The following LAD1 variants were observed in gnomAD, a reference collection of about 807,000 sequenced individuals.
LAD1 encodes the protein ladinin-1.
Under a neutral mutation model 54.2 loss-of-function variants are expected in LAD1, and 53 were observed. The observed-to-expected ratio is 0.98, with a 90% CI of 0.78 to 1.23. The LOEUF is 1.23. Among genes scored for constraint, LAD1 ranks in the 50% most tolerant of loss-of-function variants. The probability of loss-of-function intolerance (pLI) is 0.00; values close to 1 mark genes in which losing one functional copy is unlikely to be tolerated. For synonymous variants in LAD1, 231 were observed against 257.7 expected (o/e 0.90, Z 0.99); for missense variants, 637 against 653.3 (o/e 0.98, Z 0.27).
intron 1 of LAD1, among the ~76,000 whole-genome samples, chr1:201,395,785 A>G (rs886857652): frequency 6.6e-6 from 1 of 152,140 alleles, no homozygotes; most frequent in Non-Finnish European, 1.5e-5. Flanking sequence ...ACTGAGGCTC[A>G]AAAGAGTTAA....
intron 1 of LAD1, among the ~76,000 whole-genome samples, chr1:201,392,891 G>C (rs72737639): frequency 9.8e-5 from 15 of 152,316 alleles, no homozygotes; most frequent in Non-Finnish European, 2.1e-4. Context: ...ATGGTGGCTT[G>C]AACTGGGGTG....
At chr1:201,399,204 G>C (rs937381248) in intron 1 of LAD1, 65 bp downstream of exon 1, 276 of 1,327,682 alleles carry the variant, frequency 2.1e-4, no homozygotes, top group Non-Finnish European at 2.7e-4. Flanking sequence ...CCGGTGCCCC[G>C]AGGAGAGGAG....
Position 201,386,670 on chromosome 1 carries a change from ACTT to A in LAD1, c.688_690del (p.Lys230del). The stretch of plus-strand genomic sequence containing the variant: ...GAGACACTGGTTTTTTCTAGAACAG[ACTT>A]CTTCTCTGAGCTGTTTCTTTTCTCT... On this transcript the variant is annotated inframe_deletion, in exon 3 of 10. Transcript: ENST00000391967. The A allele has an allele frequency of 2.5e-6, 4 of 1,613,714 alleles. No individual in the cohort carries two copies. The highest frequency in any genetic ancestry group is 2.2e-5 in the East Asian group (1 of 44,868).
chr1:201,397,550 C>G (rs1268981972), intron 1 of LAD1, among the ~76,000 whole-genome samples: 1 of 151,920 alleles, frequency 6.6e-6, no homozygotes, highest in Non-Finnish European at 1.5e-5. Flanking sequence ...GCTGCCTCCC[C>G]ACACACACAC....
intron 1 of LAD1, among the ~76,000 whole-genome samples, chr1:201,394,711 G>A (rs1046876564): frequency 1.3e-5 from 2 of 152,138 alleles, no homozygotes; most frequent in African/African-American, 2.4e-5. Flanking sequence ...TACACGTGAG[G>A]CCACACCTCC....
Position 201,387,009 on chromosome 1 carries a change from C to T in LAD1, c.352G>A (p.Gly118Arg). 1.9e-6 allele frequency: 3 copies of T among 1,609,756 alleles called. No homozygotes were observed. Among genetic ancestry groups the T allele is most frequent in the Non-Finnish European group, 2.5e-6 (3 of 1,178,222 alleles). ...PIQERLEAEEGRNSLSPVQAT... is the reference protein window; with the variant it reads ...PIQERLEAEERRNSLSPVQAT... ...TGCACAGGGCTCAAGCTGTTCCTCC[C>T]CTCCTCTGCCTCCAGCCTCTCCTGG... Residue 118 changes from glycine to arginine, a missense_variant, in exon 3 of 10, where the codon GGG becomes AGG. Gly to Arg is a moderately radical substitution (Grantham distance 125). Transcript: ENST00000391967.
At chr1:201,390,370 CAAA>C (rs34155846) in intron 1 of LAD1, among the ~76,000 whole-genome samples, 1 of 112,222 alleles carries the variant, frequency 8.9e-6, no homozygotes, top group Non-Finnish European at 1.9e-5. Context: ...ACTAAAAATA[CAAA>C]AAAAAAAAAA....
chr1:201,382,741 TAA>T lies in LAD1; in HGVS notation c.1387-4_1387-3del. ...AACCCCTGAGAGCCTCAAGTTCTCC[TAA>T]AAAGAGAACTTTCCATCTCAGGGTT... On this transcript the variant is annotated splice_region_variant and splice_polypyrimidine_tract_variant and intron_variant, in intron 7 of 9. Coordinates refer to ENST00000391967, the MANE Select transcript of LAD1 (RefSeq NM_005558.4). 6.3e-7 allele frequency: 1 copy of T among 1,592,960 alleles called. No homozygotes were observed. Among genetic ancestry groups the T allele is most frequent in the Non-Finnish European group, 8.6e-7 (1 of 1,168,954 alleles).
At position 201,386,677 on chromosome 1, in the gene LAD1, C is replaced by A. The variant is rs1194750469; in HGVS notation, c.684G>T (p.Glu228Asp). 6.2e-7 allele frequency: 1 copy of A among 1,614,246 alleles called. No homozygotes were observed. The highest frequency in any genetic ancestry group is 8.5e-7 in the Non-Finnish European group (1 of 1,180,036). ...IAVSEKRNSS[E>D]KKSVLEKTSV... ...TGGTTTTTTCTAGAACAGACTTCTT[C>A]TCTGAGCTGTTTCTTTTCTCTGACA... is the stretch of plus-strand genomic sequence containing the variant. Residue 228 changes from glutamate to aspartate, a missense_variant, in exon 3 of 10, where the codon GAG becomes GAT. Transcript: ENST00000391967.
chr1:201,398,647 C>T (rs1281081206), intron 1 of LAD1, among the ~76,000 whole-genome samples: 1 of 152,198 alleles, frequency 6.6e-6, no homozygotes, highest in Non-Finnish European at 1.5e-5. Flanking sequence ...TCATCCCCGA[C>T]CCTTTAGGAG....
chr1:201,392,367 G>A (rs577304768), intron 1 of LAD1, among the ~76,000 whole-genome samples: 1 of 152,366 alleles, frequency 6.6e-6, no homozygotes, highest in Admixed American at 6.5e-5. Context: ...GCATGGGGGA[G>A]TCAGACCATG....
chr1:201,383,402 A>AG lies in LAD1; in HGVS notation c.1176-14dup. ...CTTCATGCTGGCACTGCAGGATGGA[A>AG]GATGGAACAGGCGAGCCAAGTGAGA... On this transcript the variant is annotated splice_polypyrimidine_tract_variant and intron_variant, in intron 5 of 9. Transcript: ENST00000391967. 6.2e-7 allele frequency: 1 copy of AG among 1,613,886 alleles called. No homozygotes were observed. The highest frequency in any genetic ancestry group is 8.5e-7 in the Non-Finnish European group (1 of 1,179,866).
At chr1:201,386,277 C>T in intron 3 of LAD1, 58 bp downstream of exon 3, 2 of 1,395,518 alleles carry the variant, frequency 1.4e-6, no homozygotes, top group South Asian at 1.9e-5. Flanking sequence ...GTGGGACTGG[C>T]CGGCAGTGCC....
Position 201,386,579 on chromosome 1 carries a change from G to A in LAD1, c.782C>T (p.Ser261Phe), listed in dbSNP as rs1229830501. 6.2e-7 allele frequency: 1 copy of A among 1,614,096 alleles called. No homozygotes were observed. Among genetic ancestry groups the A allele is most frequent in the Non-Finnish European group, 8.5e-7 (1 of 1,180,008 alleles). ...SGRRLVSEKA[S>F]IFEKALASEK... ...TGAGGCCAGTGCCTTCTCAAAGATG[G>A]AAGCTTTCTCAGACACCAGCCTCCT... The change falls in exon 3 of 10, where the codon TCC becomes TTC. Residue 261 changes from serine (S) to phenylalanine (F), a missense_variant. Ser to Phe is a radical substitution (Grantham distance 155). Coordinates refer to ENST00000391967, the MANE Select transcript of LAD1 (RefSeq NM_005558.4).
At chr1:201,392,867 C>T (rs1472728243) in intron 1 of LAD1, among the ~76,000 whole-genome samples, 7 of 151,126 alleles carry the variant, frequency 4.6e-5, no homozygotes, top group Non-Finnish European at 2.9e-5. Flanking sequence ...ATCCCATAGG[C>T]GAGAGCTAGA....
At chr1:201,389,375 G>A in intron 1 of LAD1, 72 bp from the exon 2 acceptor site, 1 of 1,539,536 alleles carries the variant, frequency 6.5e-7, no homozygotes, top group African/African-American at 1.4e-5. Context: ...CTCCTCTAGG[G>A]CTGGGAGAAG....
chr1:201,380,886 G>T lies in LAD1; in HGVS notation c.*1002C>A, dbSNP rs921875407. 1 of 152,064 alleles carries T rather than the reference G, an allele frequency of 6.6e-6. No individual in the cohort carries two copies. Among genetic ancestry groups the T allele is most frequent in the Non-Finnish European group, 1.5e-5 (1 of 68,030 alleles). 9.4% of individuals were successfully genotyped at this position (152,064 alleles called of 1,614,324 possible). On this transcript the variant is annotated 3_prime_UTR_variant, in exon 10 of 10. Transcript: ENST00000391967. ...AAGTTGTAAACCACAGCTTTAAGGG[G>T]TTAACAGGGCACCAGGCTGATGTTC...
At chr1:201,382,365 C>G in intron 8 of LAD1, 39 bp from the exon 9 acceptor site, 3 of 1,521,990 alleles carry the variant, frequency 2.0e-6, no homozygotes, top group Non-Finnish European at 2.7e-6. Flanking sequence ...GAGACTAAGA[C>G]CAGGCTCCAA....
rs10920187 is a variant in LAD1 at position 201,381,538 on chromosome 1, G to T, written c.*350C>A. 20,407 of 364,052 alleles carry T rather than the reference G, an allele frequency of 0.056. 732 individuals carry two copies. The highest frequency in any genetic ancestry group is 0.087 in the Middle Eastern group (99 of 1,144). The allele number at this position is 364,052 out of a possible 1,614,324, so 22.6% of individuals were successfully genotyped here. On this transcript the variant is annotated 3_prime_UTR_variant, in exon 10 of 10. Transcript: ENST00000391967. ...GGTGACTCTGGAGTTCTTGAGGGGCGCCGTGCCCTGACTGTGGATGTGAGC... is the reference window on the plus strand; with the variant it reads ...GGTGACTCTGGAGTTCTTGAGGGGCTCCGTGCCCTGACTGTGGATGTGAGC...
Sources: allele counts gnomAD v4.1 joint callset (sites outside exome capture counted in the v4.1 genomes callset), GRCh38; gene constraint gnomAD v4.1.1; transcripts MANE v1.5; gene names NCBI Gene and HGNC (gene_info 2026-07-23, HGNC 2026-07-21).